LRRC4C: variants seen among roughly 807,000 people sequenced by gnomAD.
The protein encoded by LRRC4C is leucine rich repeat containing 4C, also known as leucine-rich repeat-containing protein 4C.
Under a neutral mutation model 33.6 loss-of-function variants are expected in LRRC4C, and 5 were observed. The ratio of observed to expected loss-of-function variants is 0.15; its 90% CI spans 0.08 to 0.31. The LOEUF is 0.31. Ranked by LOEUF, LRRC4C falls within the 10% of genes least tolerant of loss-of-function variation. LRRC4C has a pLI of 1.00. For missense variants in LRRC4C, 560 were observed against 796.7 expected (o/e 0.70, Z 3.58); for synonymous variants, 329 against 302.0 (o/e 1.09, Z -0.93).
intron 3 of LRRC4C, among the ~76,000 whole-genome samples, chr11:40,347,912 T>C (rs969178872): frequency 6.6e-6 from 1 of 152,182 alleles, no homozygotes; most frequent in African/African-American, 2.4e-5. Flanking sequence ...CCTGCCCATT[T>C]GAAAACATTT....
intron 4 of LRRC4C, among the ~76,000 whole-genome samples, chr11:40,308,936 C>T (rs1378173124): frequency 1.3e-5 from 2 of 152,310 alleles, no homozygotes; most frequent in East Asian, 3.9e-4. Flanking sequence ...GCTGCACCAT[C>T]CATATTTCTA....
intron 6 of LRRC4C, among the ~76,000 whole-genome samples, chr11:40,120,804 A>G (rs1362756263): frequency 1.3e-5 from 2 of 152,156 alleles, no homozygotes; most frequent in East Asian, 3.9e-4. Context: ...AAAGGCAGCC[A>G]TGCTCAGTGG....
At chr11:41,086,359 A>T (rs1003292896) in intron 1 of LRRC4C, among the ~76,000 whole-genome samples, 24 of 152,142 alleles carry the variant, frequency 1.6e-4, no homozygotes, top group African/African-American at 5.8e-4. Flanking sequence ...TTGTTGTATA[A>T]CAAAAGCTGT....
intron 3 of LRRC4C, among the ~76,000 whole-genome samples, chr11:40,482,383 G>GA (rs1393218307): frequency 6.6e-6 from 1 of 152,036 alleles, no homozygotes; most frequent in African/African-American, 2.4e-5. Flanking sequence ...TAGAGTATAG[G>GA]AAATCAAATG....
chr11:40,560,328 TGAA>T (rs1957498745), intron 3 of LRRC4C, among the ~76,000 whole-genome samples: 1 of 152,106 alleles, frequency 6.6e-6, no homozygotes, highest in African/African-American at 2.4e-5. Flanking sequence ...CACAACCAAA[TGAA>T]GACTTTGGTT....
chr11:41,438,290 A>C (rs1463043815), intron 1 of LRRC4C, among the ~76,000 whole-genome samples: 1 of 152,056 alleles, frequency 6.6e-6, no homozygotes, highest in Non-Finnish European at 1.5e-5. Context: ...TCAGGAACTG[A>C]CTAGACACTA....
At chr11:41,091,327 A>G (rs1940402044) in intron 1 of LRRC4C, among the ~76,000 whole-genome samples, 1 of 152,070 alleles carries the variant, frequency 6.6e-6, no homozygotes, top group South Asian at 2.1e-4. Context: ...GAATGACCAT[A>G]TGCCATTAAA....
At chr11:40,732,952 A>G (rs1947666587) in intron 2 of LRRC4C, among the ~76,000 whole-genome samples, 1 of 151,642 alleles carries the variant, frequency 6.6e-6, no homozygotes, top group East Asian at 1.9e-4. Context: ...TCTATTTTAC[A>G]GATGAGGACT....
chr11:40,190,051 G>A (rs2135594716), intron 5 of LRRC4C, among the ~76,000 whole-genome samples: 1 of 152,238 alleles, frequency 6.6e-6, no homozygotes, highest in South Asian at 2.1e-4. Context: ...TTGAAGCAAA[G>A]CCAAAGACTC....
At chr11:40,909,215 C>T (rs1956559340) in intron 2 of LRRC4C, among the ~76,000 whole-genome samples, 1 of 152,084 alleles carries the variant, frequency 6.6e-6, no homozygotes, top group Non-Finnish European at 1.5e-5. Flanking sequence ...TTTATCATCT[C>T]CTTTTAAATC....
intron 2 of LRRC4C, among the ~76,000 whole-genome samples, chr11:40,784,512 C>A (rs947248172): frequency 6.6e-6 from 1 of 152,162 alleles, no homozygotes; most frequent in Non-Finnish European, 1.5e-5. Context: ...TTTAATCAAG[C>A]AATGATAGTA....
chr11:41,452,366 AG>A (rs1956054068), intron 1 of LRRC4C, among the ~76,000 whole-genome samples: 1 of 152,146 alleles, frequency 6.6e-6, no homozygotes, highest in Non-Finnish European at 1.5e-5. Context: ...AGATATGTAA[AG>A]GAACAGCTAG....
In LRRC4C at chr11:40,850,482, G is replaced by A. The variant is rs182925650; in HGVS notation, c.-407+83153C>T. On this transcript the variant is annotated intron_variant, in intron 2 of 6. Transcript: ENST00000528697. ...CCAGCAGAGGCTGCATAACAGCAAA[G>A]ACTGCTGCCTGCTCCTTTCTCTGGA... Among the ~76,000 whole-genome samples, 721 of 152,250 alleles carry A rather than the reference G, an allele frequency of 4.7e-3. 3 individuals are homozygous for A. The highest frequency in any genetic ancestry group is 6.7e-3 in the Non-Finnish European group (453 of 67,996).
chr11:41,133,480 C>CA (rs1943111894), intron 1 of LRRC4C, among the ~76,000 whole-genome samples: 2 of 143,944 alleles, frequency 1.4e-5, no homozygotes, highest in Admixed American at 6.9e-5. Flanking sequence ...TCCTAATCCC[C>CA]CCCCCGCCCC....
At chr11:40,892,117 A>C (rs1029747977) in intron 2 of LRRC4C, among the ~76,000 whole-genome samples, 34 of 135,336 alleles carry the variant, frequency 2.5e-4, no homozygotes, top group Non-Finnish European at 4.6e-4. Context: ...CCTGGGCGAC[A>C]GTGCGAGATT....
At chr11:41,020,425 G>T (rs1478513941) in intron 1 of LRRC4C, among the ~76,000 whole-genome samples, 1 of 152,106 alleles carries the variant, frequency 6.6e-6, no homozygotes, top group Non-Finnish European at 1.5e-5. Flanking sequence ...GAGCATACTG[G>T]AACGGGTGGG....
At chr11:40,937,321 G>A (rs1201335100) in intron 1 of LRRC4C, among the ~76,000 whole-genome samples, 2 of 147,124 alleles carry the variant, frequency 1.4e-5, no homozygotes, top group African/African-American at 5.0e-5. Context: ...CTAGAGTGGG[G>A]AGGGAGGGTG....
At chr11:40,881,928 A>G (rs941144931) in intron 2 of LRRC4C, among the ~76,000 whole-genome samples, 2 of 152,094 alleles carry the variant, frequency 1.3e-5, no homozygotes, top group African/African-American at 4.8e-5. Flanking sequence ...AGGATTCAAG[A>G]ATCCCCTGCT....
At chr11:40,262,830 G>A (rs1941960294) in intron 4 of LRRC4C, among the ~76,000 whole-genome samples, 1 of 152,028 alleles carries the variant, frequency 6.6e-6, no homozygotes, top group African/African-American at 2.4e-5. Context: ...AGGGCCTGTT[G>A]GGGAGTAGGG....
Sources: allele counts gnomAD v4.1 joint callset (sites outside exome capture counted in the v4.1 genomes callset), GRCh38; gene constraint gnomAD v4.1.1; transcripts MANE v1.5; gene names NCBI Gene and HGNC (gene_info 2026-07-23, HGNC 2026-07-21).